Variants in CKAP5 observed in about 807,000 individuals in gnomAD.
The protein encoded by CKAP5 is cytoskeleton associated protein 5.
In CKAP5, 27 loss-of-function variants were observed where a neutral mutation model predicts 232.8. The ratio of observed to expected loss-of-function variants is 0.12; its 90% CI spans 0.09 to 0.16. The LOEUF is 0.16. CKAP5 is among the 10% of genes least tolerant of loss of function. CKAP5 has a pLI of 1.00. For missense variants in CKAP5, 1,838 were observed against 2,424.7 expected, an observed-to-expected ratio of 0.76 and a Z score of 5.08; for synonymous variants, 785 against 841.1, an observed-to-expected ratio of 0.93 and a Z score of 1.16.
In CKAP5 at chr11:46,765,194, C is replaced by A; in HGVS notation, c.3474G>T (p.Gly1158=). The A allele has an allele frequency of 1.2e-6, 2 of 1,612,978 alleles. No individual in the cohort carries two copies. Among genetic ancestry groups the A allele is most frequent in the South Asian group, 1.1e-5 (1 of 90,956 alleles). Residue 1158 remains glycine (G), a synonymous_variant, in exon 28 of 44, where the codon GGG becomes GGT. Coordinates refer to ENST00000529230, the MANE Select transcript of CKAP5 (RefSeq NM_001008938.4). ...TSLKEDEDKS[G]PIFIVVPNGK... is the part of the protein sequence containing the mutation. ...CATTTGGAACAACAATAAAAATAGG[C>A]CCGGATTTGTCTTCATCCTCCTTTA...
intron 1 of CKAP5, among the ~76,000 whole-genome samples, chr11:46,833,375 C>A (rs1000277683): frequency 1.6e-4 from 24 of 152,192 alleles, no homozygotes; most frequent in African/African-American, 5.8e-4. Context: ...TTAAACAAAT[C>A]CAGTGGATTT....
At chr11:46,809,985 TA>T in intron 5 of CKAP5, 111 bp from the exon 6 acceptor site, 2 of 1,073,534 alleles carry the variant, frequency 1.9e-6, no homozygotes, top group Non-Finnish European at 2.6e-6. Flanking sequence ...CTTTTTTTTT[TA>T]TTGGAGACAG....
intron 13 of CKAP5, among the ~76,000 whole-genome samples, chr11:46,790,947 G>A (rs569470521): frequency 3.9e-4 from 60 of 152,088 alleles, no homozygotes; most frequent in Non-Finnish European, 6.8e-4. Flanking sequence ...CACTGAACCC[G>A]GCCTAAAACA....
At chr11:46,792,956 A>G (rs1349571018) in intron 13 of CKAP5, among the ~76,000 whole-genome samples, 14 of 152,214 alleles carry the variant, frequency 9.2e-5, no homozygotes, top group Admixed American at 8.5e-4. Flanking sequence ...GTCTGTAACT[A>G]GAGGTACTCA....
intron 1 of CKAP5, among the ~76,000 whole-genome samples, chr11:46,843,178 G>GT (rs1298031524): frequency 6.6e-6 from 1 of 152,066 alleles, no homozygotes; most frequent in African/African-American, 2.4e-5. Flanking sequence ...TGGAGAAATT[G>GT]TAAGTCAGGA....
chr11:46,783,294 T>C lies in CKAP5; in HGVS notation c.2229A>G (p.Ile743Met). The C allele has an allele frequency of 1.2e-6, 2 of 1,610,442 alleles. No individual in the cohort carries two copies. The highest frequency in any genetic ancestry group is 1.7e-6 in the Non-Finnish European group (2 of 1,177,568). The change falls in exon 18 of 44, where the codon ATA (isoleucine) becomes ATG (methionine). Residue 743 changes from isoleucine (I) to methionine (M), a missense_variant. Around this residue, in one of 6 missense-constraint regions of CKAP5, gnomAD observed 767 missense variants for 954.6 expected, o/e 0.80. Coordinates refer to ENST00000529230, the MANE Select transcript of CKAP5 (RefSeq NM_001008938.4). Reference sequence around the variant, plus strand: ...CTTACCCAGAAAAACCAAATTCTTTTATGGCATTTGATAGCCAATTCAGAG... The same window carrying C: ...CTTACCCAGAAAAACCAAATTCTTTCATGGCATTTGATAGCCAATTCAGAG... ...SETLNWLSNAIKEFGFSGLNV... is the reference protein window; with the variant it reads ...SETLNWLSNAMKEFGFSGLNV...
At position 46,790,147 on chromosome 11, in the gene CKAP5, G is replaced by A. The variant is rs1283278263; in HGVS notation, c.1804C>T (p.Pro602Ser). Residue 602 changes from proline (P) to serine (S), a missense_variant, in exon 15 of 44, where the codon CCT becomes TCT. Physicochemically the swap from Pro to Ser is moderately conservative, Grantham distance 74 (BLOSUM62 -1). Around this residue, in one of 6 missense-constraint regions of CKAP5, gnomAD observed 767 missense variants for 954.6 expected, o/e 0.80. Coordinates refer to ENST00000529230, the MANE Select transcript of CKAP5 (RefSeq NM_001008938.4). Reference protein sequence around the residue: ...CEEKASAVLPPTCIQLLDSSN... With the variant: ...CEEKASAVLPSTCIQLLDSSN... ...CTGTCAAGAAGCTGTATACAGGTAG[G>A]GGGAAGAACAGCTGAAGCTTTTTCT... 8 of 1,610,542 alleles carry A rather than the reference G, an allele frequency of 5.0e-6. No homozygotes were observed. The highest frequency in any genetic ancestry group is 6.8e-6 in the Non-Finnish European group (8 of 1,177,490).
chr11:46,810,383 A>T (rs953506663), intron 5 of CKAP5, among the ~76,000 whole-genome samples: 4 of 152,086 alleles, frequency 2.6e-5, no homozygotes, highest in African/African-American at 9.7e-5. Context: ...ATTTTGGCTC[A>T]CTGCAGCCTC....
Position 46,795,674 on chromosome 11 carries a change from A to C in CKAP5, c.1570T>G (p.Ser524Ala). 1 of 1,614,118 alleles carries C rather than the reference A, an allele frequency of 6.2e-7. No individual in the cohort carries two copies. Among genetic ancestry groups the C allele is most frequent in the Non-Finnish European group, 8.5e-7 (1 of 1,180,000 alleles). ...FKPLPGRTAA[S>A]GAAGDKDTKD... ...GTGTCCTTATCTCCTGCAGCCCCTGAAGCAGCAGTCCTTCCAGGCAGAGGT... is the reference window on the plus strand; with the variant it reads ...GTGTCCTTATCTCCTGCAGCCCCTGCAGCAGCAGTCCTTCCAGGCAGAGGT... The change falls in exon 13 of 44, where the codon TCA becomes GCA. Residue 524 changes from serine to alanine, a missense_variant. By Grantham distance (99) the Ser-to-Ala change is moderately conservative. Coordinates refer to ENST00000529230, the MANE Select transcript of CKAP5 (RefSeq NM_001008938.4).
At chr11:46,791,619 A>G (rs968386325) in intron 13 of CKAP5, among the ~76,000 whole-genome samples, 1 of 152,124 alleles carries the variant, frequency 6.6e-6, no homozygotes, top group Non-Finnish European at 1.5e-5. Flanking sequence ...GTCTGCAGTG[A>G]GCCATGATCA....
At chr11:46,749,582 G>A (rs1280288502) in intron 42 of CKAP5, among the ~76,000 whole-genome samples, 1 of 151,980 alleles carries the variant, frequency 6.6e-6, no homozygotes, top group Non-Finnish European at 1.5e-5. Flanking sequence ...AGTGGTGAAA[G>A]TAGATGAACT....
chr11:46,760,591 C>G (rs759645162), intron 33 of CKAP5, 21 bp downstream of exon 33: 1 of 1,611,676 alleles, frequency 6.2e-7, no homozygotes, highest in East Asian at 2.2e-5. Flanking sequence ...TGCTCTCAGA[C>G]AAGTATCTCT....
At chr11:46,762,461 T>C (rs2065163455) in intron 31 of CKAP5, 166 bp downstream of exon 31, 2 of 949,768 alleles carry the variant, frequency 2.1e-6, no homozygotes, top group Non-Finnish European at 3.4e-6. Context: ...TATCACCTGA[T>C]ACCATGGCTC....
chr11:46,760,579 G>A, intron 33 of CKAP5, 33 bp downstream of exon 33: 1 of 1,606,462 alleles, frequency 6.2e-7, no homozygotes, highest in South Asian at 1.1e-5. Context: ...AGGCCATGGA[G>A]ATGCTCTCAG....
chr11:46,765,847 C>G (rs1378654635), intron 27 of CKAP5, among the ~76,000 whole-genome samples: 1 of 152,060 alleles, frequency 6.6e-6, no homozygotes, highest in Non-Finnish European at 1.5e-5. Context: ...TCAAGTGATC[C>G]ACCCACCTCA....
At chr11:46,781,813 T>C (rs140727779) in intron 18 of CKAP5, among the ~76,000 whole-genome samples, 15 of 152,158 alleles carry the variant, frequency 9.9e-5, no homozygotes, top group African/African-American at 3.6e-4. Context: ...TAAACATATA[T>C]ATGTAAAAAA....
At chr11:46,758,578 C>T (rs1565719820) in intron 35 of CKAP5, among the ~76,000 whole-genome samples, 1 of 152,058 alleles carries the variant, frequency 6.6e-6, no homozygotes, top group Non-Finnish European at 1.5e-5. Context: ...AGCCTGTTGT[C>T]CCAGCTACTC....
In CKAP5 at chr11:46,755,075, C is replaced by T; in HGVS notation, c.4690-8G>A. ...TCTCAGGACCTCATCGATCTGATAACAAAAATTTCAAGATATATTTTCCAA... is the reference window on the plus strand; with the variant it reads ...TCTCAGGACCTCATCGATCTGATAATAAAAATTTCAAGATATATTTTCCAA... On this transcript the variant is annotated splice_region_variant and splice_polypyrimidine_tract_variant and intron_variant, in intron 35 of 43. Coordinates refer to ENST00000529230, the MANE Select transcript of CKAP5 (RefSeq NM_001008938.4). The T allele has an allele frequency of 1.3e-6, 2 of 1,584,182 alleles. No homozygotes were observed. The highest frequency in any genetic ancestry group is 8.6e-7 in the Non-Finnish European group (1 of 1,167,234).
chr11:46,763,526 G>A lies in CKAP5; in HGVS notation c.3642C>T (p.His1214=). 3.1e-6 allele frequency: 5 copies of A among 1,604,678 alleles called. No individual in the cohort carries two copies. Among genetic ancestry groups the A allele is most frequent in the Non-Finnish European group, 4.2e-6 (5 of 1,176,790 alleles). ...VAKWLQDEMF[H]SDFQHHNKAL... is the part of the protein sequence containing the mutation. Reference sequence around the variant, plus strand: ...CTTTGTTATGATGCTGAAAGTCTGAGTGAAACATCTCATCTTGTAACCATT... The same window carrying A: ...CTTTGTTATGATGCTGAAAGTCTGAATGAAACATCTCATCTTGTAACCATT... Residue 1214 remains histidine (H), a synonymous_variant, in exon 29 of 44, where the codon CAC becomes CAT. Transcript: ENST00000529230.
Sources: allele counts gnomAD v4.1 joint callset (sites outside exome capture counted in the v4.1 genomes callset), GRCh38; gene constraint gnomAD v4.1.1; regional missense constraint gnomAD v4.1.1; transcripts MANE v1.5; gene names NCBI Gene and HGNC (gene_info 2026-07-23, HGNC 2026-07-21).